Variants in RC3H1 observed in about 807,000 individuals in gnomAD.
The protein encoded by RC3H1 is roquin-1.
A neutral mutation model predicts 138.2 loss-of-function variants in RC3H1; 50 were observed. The ratio of observed to expected loss-of-function variants is 0.36; its 90% CI spans 0.29 to 0.46. The LOEUF is 0.46. Among genes scored for constraint, RC3H1 ranks in the 20% least tolerant of loss-of-function variants. The probability of loss-of-function intolerance (pLI) is 1.00; values close to 1 mark genes in which losing one functional copy is unlikely to be tolerated. For missense variants in RC3H1, 1,031 were observed against 1,388.1 expected, an observed-to-expected ratio of 0.74 and a Z score of 4.09; for synonymous variants, 462 against 489.1, an observed-to-expected ratio of 0.94 and a Z score of 0.73.
chr1:173,981,100 A>G (rs1571218764), intron 5 of RC3H1, 91 bp from the exon 6 acceptor site: 3 of 1,064,378 alleles, frequency 2.8e-6, no homozygotes, highest in East Asian at 2.5e-5. Context: ...CAAATTTAGC[A>G]TCAACAGCAA....
At chr1:173,984,687 T>C (rs978353275) in intron 2 of RC3H1, 68 bp from the exon 3 acceptor site, 8 of 1,504,968 alleles carry the variant, frequency 5.3e-6, no homozygotes, top group Non-Finnish European at 3.6e-6. Context: ...GTATAGTTTA[T>C]GCACTCATAA....
chr1:174,016,016 C>A (rs568131752), intron 1 of RC3H1: 1 of 151,960 alleles, frequency 6.6e-6, no homozygotes, highest in African/African-American at 2.4e-5. Context: ...GCCTGGCTAA[C>A]GTGGTGAAAT....
At position 173,952,060 on chromosome 1, in the gene RC3H1, T is replaced by G; in HGVS notation, c.2449A>C (p.Thr817Pro). Residue 817 changes from threonine (T) to proline (P), a missense_variant, in exon 14 of 20, where the codon ACC becomes CCC. Physicochemically the swap from Thr to Pro is conservative, Grantham distance 38. Coordinates refer to ENST00000367696, the MANE Select transcript of RC3H1 (RefSeq NM_172071.4). ...TTGGTTCCAATGTAGGAGCCGATGG[T>G]GTCACATGACCAGGGAGAGTATTGG... The part of the protein sequence containing the change: ...YSQYSPWSCD[T>P]IGSYIGTKDA... 1 of 1,608,710 alleles carries G rather than the reference T, an allele frequency of 6.2e-7. No individual in the cohort carries two copies. The highest frequency in any genetic ancestry group is 1.1e-5 in the South Asian group (1 of 90,076).
chr1:173,941,050 G>A (rs1658834799), intron 19 of RC3H1, among the ~76,000 whole-genome samples: 1 of 152,110 alleles, frequency 6.6e-6, no homozygotes, highest in Non-Finnish European at 1.5e-5. Context: ...TCCATCTCTT[G>A]ACCTCGTGAT....
At position 173,947,580 on chromosome 1, in the gene RC3H1, A is replaced by G. The variant is rs774471047; in HGVS notation, c.2526T>C (p.Asn842=). The change falls in exon 15 of 20, where the codon AAT becomes AAC. Residue 842 remains asparagine, a splice_region_variant and synonymous_variant. Transcript: ENST00000367696. ...VVAAGSVEMM[N]VESKGMRDQR... is the part of the protein sequence containing the mutation. The stretch of plus-strand genomic sequence containing the variant: ...GGTCCCTCATTCCTTTACTCTCCAC[A>G]TTCTGATAAAAAAGCAAAATGAGAA... 6 of 1,613,486 alleles carry G rather than the reference A, an allele frequency of 3.7e-6. No homozygotes were observed. Among genetic ancestry groups the G allele is most frequent in the Non-Finnish European group, 5.1e-6 (6 of 1,179,740 alleles).
At chr1:174,012,748 C>A (rs762553049) in intron 1 of RC3H1, among the ~76,000 whole-genome samples, 18 of 149,266 alleles carry the variant, frequency 1.2e-4, no homozygotes, top group Admixed American at 4.7e-4. Flanking sequence ...CACGCGACTG[C>A]ACTCCAGCCT....
At position 173,947,345 on chromosome 1, in the gene RC3H1, T is replaced by A. The variant is rs200136730; in HGVS notation, c.2737+24A>T. Reference sequence around the variant, plus strand: ...AAGTCAAGATTATGAACCCTTTAGGTCAGCTTACCTCTGAGATTCTTACCT... The same window carrying A: ...AAGTCAAGATTATGAACCCTTTAGGACAGCTTACCTCTGAGATTCTTACCT... On this transcript the variant is annotated intron_variant, in intron 15 of 19. Coordinates refer to ENST00000367696, the MANE Select transcript of RC3H1 (RefSeq NM_172071.4). The A allele has an allele frequency of 3.9e-6, 6 of 1,538,192 alleles. No homozygotes were observed. In the Admixed American group the frequency reaches 1.0e-4, roughly 26 times the overall value.
chr1:173,980,783 G>A, intron 6 of RC3H1, 26 bp downstream of exon 6: 1 of 1,571,364 alleles, frequency 6.4e-7, no homozygotes, highest in Non-Finnish European at 8.7e-7. Context: ...ATTAGTCTAA[G>A]AAGTAAGGAA....
chr1:174,020,869 C>T (rs1398531850), intron 1 of RC3H1, among the ~76,000 whole-genome samples: 3 of 152,100 alleles, frequency 2.0e-5, no homozygotes, highest in African/African-American at 7.2e-5. Context: ...ATCAGCCGGG[C>T]ATGGTGGCGG....
chr1:173,956,667 T>TAAAAAAA (rs75866304), intron 13 of RC3H1, among the ~76,000 whole-genome samples: 7 of 84,876 alleles, frequency 8.2e-5, no homozygotes, highest in African/African-American at 1.3e-4. Context: ...CTCAAAAAAT[T>TAAAAAAA]AAAAAAAAAA....
At chr1:173,999,052 C>CCACTG (rs1317196315) in intron 1 of RC3H1, among the ~76,000 whole-genome samples, 1 of 151,656 alleles carries the variant, frequency 6.6e-6, no homozygotes, top group Admixed American at 6.6e-5. Flanking sequence ...TATGACCACA[C>CCACTG]CACTGCACTG....
chr1:174,003,058 T>C (rs1243265069), intron 1 of RC3H1, among the ~76,000 whole-genome samples: 1 of 152,170 alleles, frequency 6.6e-6, no homozygotes, highest in Non-Finnish European at 1.5e-5. Flanking sequence ...GTTCTCTTTG[T>C]CAGTGACTGA....
chr1:173,966,478 G>A (rs1190114659), intron 9 of RC3H1, among the ~76,000 whole-genome samples: 1 of 152,164 alleles, frequency 6.6e-6, no homozygotes, highest in Admixed American at 6.5e-5. Flanking sequence ...CACTTTGGGA[G>A]GCCGAGGCGG....
chr1:173,946,403 C>T lies in RC3H1; in HGVS notation c.2961+73G>A, dbSNP rs888162069. 5 of 1,428,038 alleles carry T rather than the reference C, an allele frequency of 3.5e-6. No individual in the cohort carries two copies. In the African/African-American group the frequency reaches 5.7e-5, roughly 16 times the overall value. 88.5% of individuals were successfully genotyped at this position (1,428,038 alleles called of 1,614,324 possible). ...ACCTTAAAGTTTTTTGTTCACAGTG[C>T]CTCAAAAGTTCCTATTTAAAATCTC... On this transcript the variant is annotated intron_variant, in intron 17 of 19. Transcript: ENST00000367696.
At chr1:173,949,382 T>C (rs1483854745) in intron 14 of RC3H1, among the ~76,000 whole-genome samples, 1 of 152,056 alleles carries the variant, frequency 6.6e-6, no homozygotes, top group East Asian at 1.9e-4. Flanking sequence ...TTTTTTTTTT[T>C]TTCTGAGATG....
intron 19 of RC3H1, among the ~76,000 whole-genome samples, chr1:173,939,105 G>C (rs1264531469): frequency 6.6e-6 from 1 of 151,746 alleles, no homozygotes; most frequent in Non-Finnish European, 1.5e-5. Context: ...AATATAGCCT[G>C]GTCATTTGTT....
Position 173,983,451 on chromosome 1 carries a change from C to T in RC3H1, c.559G>A (p.Val187Ile), listed in dbSNP as rs1660901328. The stretch of plus-strand genomic sequence containing the variant: ...AGGAACTGGCATCCCCTAGCCCTTA[C>T]TGCTGCCCAAAGATTGGAAGAGAGT... ...QQLSSNLWAA[V>I]RARGCQFLGP... The change falls in exon 4 of 20, where the codon GTA (valine) becomes ATA (isoleucine). Residue 187 changes from valine (V) to isoleucine (I), a missense_variant. By Grantham distance (29) the Val-to-Ile change is conservative (BLOSUM62 3). Around this residue, in one of 7 missense-constraint regions of RC3H1, gnomAD observed 53 missense variants for 137.4 expected, o/e 0.39. Coordinates refer to ENST00000367696, the MANE Select transcript of RC3H1 (RefSeq NM_172071.4). The T allele has an allele frequency of 6.2e-7, 1 of 1,614,214 alleles. No homozygotes were observed. The highest frequency in any genetic ancestry group is 1.1e-5 in the South Asian group (1 of 91,088).
rs1459295334 is a variant in RC3H1, at chr1:173,958,277, T to C, written c.2370+2800A>G. Among the ~76,000 whole-genome samples, 3 of 152,176 alleles carry C rather than the reference T, an allele frequency of 2.0e-5. No individual in the cohort carries two copies. The East Asian group carries it at 5.8e-4, about 29-fold the overall frequency. ...GATTTTTTGGGCAGGGCACAGTAGCTCACGCCTGTAATCCCAGCACTTTGG... is the reference window on the plus strand; with the variant it reads ...GATTTTTTGGGCAGGGCACAGTAGCCCACGCCTGTAATCCCAGCACTTTGG... On this transcript the variant is annotated intron_variant, in intron 13 of 19. Coordinates refer to ENST00000367696, the MANE Select transcript of RC3H1 (RefSeq NM_172071.4).
intron 1 of RC3H1, among the ~76,000 whole-genome samples, chr1:174,012,944 T>A (rs1428337210): frequency 6.6e-6 from 1 of 150,612 alleles, no homozygotes; most frequent in East Asian, 2.0e-4. Context: ...GATTCCAGAG[T>A]TTAAGGACAA....
Sources: allele counts gnomAD v4.1 joint callset (sites outside exome capture counted in the v4.1 genomes callset), GRCh38; gene constraint gnomAD v4.1.1; regional missense constraint gnomAD v4.1.1; transcripts MANE v1.5; gene names NCBI Gene and HGNC (gene_info 2026-07-23, HGNC 2026-07-21).